The following NPC1 variants were observed in gnomAD, a reference collection of about 807,000 sequenced individuals.
The protein encoded by NPC1 is Niemann-Pick C1 protein.
A neutral mutation model predicts 140.4 loss-of-function variants in NPC1; 85 were observed. That is an observed-to-expected ratio of 0.61 (90% CI 0.51 to 0.72). NPC1 has a LOEUF of 0.72. Ranked by LOEUF, NPC1 falls within the 30% of genes least tolerant of loss-of-function variation. The pLI is 0.00. For missense variants in NPC1, 1,504 were observed against 1,623.8 expected (o/e 0.93, Z 1.27); for synonymous variants, 656 against 624.8 (o/e 1.05, Z -0.74).
chr18:23,517,758 C>G (rs1232172525), downstream of NPC1, among the ~76,000 whole-genome samples: 1 of 151,542 alleles, frequency 6.6e-6, no homozygotes, highest in Non-Finnish European at 1.5e-5. Context: ...CGCTCTGTTG[C>G]CCAGGCTGGA....
At chr18:23,519,186 C>A, downstream of NPC1, 1 of 1,607,750 alleles carries the variant, frequency 6.2e-7, no homozygotes, top group Non-Finnish European at 8.5e-7. Context: ...TACAAGCTGT[C>A]TGCGTTTCTA....
intron 24 of NPC1, 123 bp downstream of exon 24, chr18:23,533,232 C>A: frequency 7.3e-6 from 8 of 1,098,580 alleles, no homozygotes; most frequent in Non-Finnish European, 9.5e-6. Context: ...TACTCAGTAT[C>A]ATTTATCATT....
At chr18:23,533,955 A>T (rs537654384) in intron 23 of NPC1, 1 of 321,424 alleles carries the variant, frequency 3.1e-6, no homozygotes, top group South Asian at 3.0e-5. Context: ...CAGACACTGC[A>T]TCGTGTCTCC....
At chr18:23,567,292 C>G (rs1483165283) in intron 4 of NPC1, among the ~76,000 whole-genome samples, 1 of 152,196 alleles carries the variant, frequency 6.6e-6, no homozygotes, top group Non-Finnish European at 1.5e-5. Flanking sequence ...GAGCTCATTG[C>G]CAGCATTTGG....
intron 2 of NPC1, 150 bp from the exon 3 acceptor site, chr18:23,572,330 T>A (rs1599009293): frequency 1.5e-6 from 1 of 660,240 alleles, no homozygotes; most frequent in East Asian, 2.9e-5. Context: ...TATTATAGAA[T>A]TATTTTAAAA....
intron 5 of NPC1, 137 bp from the exon 6 acceptor site, chr18:23,560,617 T>A: frequency 2.1e-6 from 2 of 972,066 alleles, no homozygotes; most frequent in Non-Finnish European, 3.0e-6. Flanking sequence ...GGTTTTAGTT[T>A]AATTAAATTA....
intron 11 of NPC1, among the ~76,000 whole-genome samples, chr18:23,545,511 T>C (rs964897776): frequency 3.3e-5 from 5 of 152,262 alleles, no homozygotes; most frequent in Non-Finnish European, 7.3e-5. Context: ...CCCAAAGCGC[T>C]GGGATTACAG....
intron 19 of NPC1, chr18:23,538,901 C>T: frequency 1.8e-6 from 1 of 554,506 alleles, no homozygotes; most frequent in Non-Finnish European, 3.2e-6. Context: ...GCATCATTTT[C>T]TGCCCTGAAG....
At chr18:23,520,193 C>T (rs971497273), downstream of NPC1, 7 of 1,597,926 alleles carry the variant, frequency 4.4e-6, no homozygotes, top group Middle Eastern at 1.7e-4. Flanking sequence ...TTGTCTTTTT[C>T]CCCCCCAGAC....
intron 1 of NPC1, among the ~76,000 whole-genome samples, chr18:23,523,564 A>G (rs1167479451): frequency 2.7e-5 from 4 of 150,030 alleles, no homozygotes; most frequent in Non-Finnish European, 4.4e-5. Context: ...AAAAAAAAAA[A>G]AAAAAGAAAA....
intron 3 of NPC1, among the ~76,000 whole-genome samples, chr18:23,517,000 A>G (rs1226071006): frequency 6.6e-6 from 1 of 152,122 alleles, no homozygotes; most frequent in East Asian, 1.9e-4. Flanking sequence ...TGCTGGGATT[A>G]CAGGCATGAG....
Position 23,536,862 on chromosome 18 carries a change from T to G in NPC1, c.3056A>C (p.Tyr1019Ser). 6.2e-7 allele frequency: 1 copy of G among 1,613,946 alleles called. No homozygotes were observed. ...AAGGAGGATGTTAACTGCAGAACTATAGGCAGCATGTCCCCTGAGGAAAGA... is the reference window on the plus strand; with the variant it reads ...AAGGAGGATGTTAACTGCAGAACTAGAGGCAGCATGTCCCCTGAGGAAAGA... The part of the protein sequence containing the change: ...PKCGKGGHAA[Y>S]SSAVNILLGH... Residue 1019 changes from tyrosine to serine, a missense_variant, in exon 21 of 25, where the codon TAT becomes TCT. Coordinates refer to ENST00000269228, the MANE Select transcript of NPC1 (RefSeq NM_000271.5).
chr18:23,523,514 C>T (rs1481192840), intron 1 of NPC1, among the ~76,000 whole-genome samples: 1 of 128,192 alleles, frequency 7.8e-6, no homozygotes, highest in African/African-American at 3.1e-5. Flanking sequence ...AGTTGGAGAC[C>T]AGCCTAGGTA....
At chr18:23,533,708 C>T (rs2058578507) in intron 23 of NPC1, 191 bp from the exon 24 acceptor site, 1 of 591,920 alleles carries the variant, frequency 1.7e-6, no homozygotes, top group African/African-American at 1.9e-5. Flanking sequence ...GGGGTTTCAC[C>T]ATGTTGGCCA....
At position 23,554,981 on chromosome 18, in the gene NPC1, G is replaced by T; in HGVS notation, c.1330C>A (p.Leu444Ile). Residue 444 changes from leucine to isoleucine, a missense_variant, in exon 9 of 25, where the codon CTT becomes ATT. Transcript: ENST00000269228. Reference sequence around the variant, plus strand: ...TTTTCGATGGCTATTTGTAAGTCAAGAACCTGAAAGAAGATTTTAAAAATA... The same window carrying T: ...TTTTCGATGGCTATTTGTAAGTCAATAACCTGAAAGAAGATTTTAAAAATA... ...PLDIQILHQV[L>I]DLQIAIENIT... The T allele has an allele frequency of 5.0e-6, 8 of 1,600,826 alleles. No individual in the cohort carries two copies. The highest frequency in any genetic ancestry group is 6.8e-6 in the Non-Finnish European group (8 of 1,167,938).
At chr18:23,548,772 A>T (rs1160135046) in intron 10 of NPC1, among the ~76,000 whole-genome samples, 1 of 152,188 alleles carries the variant, frequency 6.6e-6, no homozygotes, top group Non-Finnish European at 1.5e-5. Flanking sequence ...TGTAGAAATA[A>T]ATCTTTTTTC....
At chr18:23,552,565 G>A (rs2058889119) in intron 9 of NPC1, among the ~76,000 whole-genome samples, 1 of 152,248 alleles carries the variant, frequency 6.6e-6, no homozygotes, top group Middle Eastern at 3.2e-3. Flanking sequence ...CAAAGAAACA[G>A]GAAGCAGGTG....
rs1224211915 is a variant in NPC1 at position 23,536,749 on chromosome 18, T to G, written c.3169A>C (p.Lys1057Gln). ...ACATTACTGGCTATAAGTCGGGCTT[T>G]CTTCAGAGCGTCAATAAAGTCAGCA... ...TSADFIDALK[K>Q]ARLIASNVTE... Residue 1057 changes from lysine to glutamine, a missense_variant, in exon 21 of 25, where the codon AAA becomes CAA. Transcript: ENST00000269228. 1.9e-6 allele frequency: 3 copies of G among 1,614,188 alleles called. 1 individual carries two copies. Among genetic ancestry groups the G allele is most frequent in the South Asian group, 2.2e-5 (2 of 91,078 alleles).
downstream of NPC1, chr18:23,530,654 A>G: frequency 1.3e-6 from 2 of 1,585,446 alleles, no homozygotes; most frequent in Non-Finnish European, 8.6e-7. Context: ...CATAGCCTCA[A>G]AGAGTAGCAG....
Sources: allele counts gnomAD v4.1 joint callset (sites outside exome capture counted in the v4.1 genomes callset), GRCh38; gene constraint gnomAD v4.1.1; transcripts MANE v1.5; gene names NCBI Gene and HGNC (gene_info 2026-07-23, HGNC 2026-07-21).